The following NRG3 variants were observed in gnomAD, a reference collection of about 807,000 sequenced individuals.
NRG3 encodes the protein neuregulin 3.
Under a neutral mutation model 66.9 loss-of-function variants are expected in NRG3, and 31 were observed. The observed-to-expected ratio is 0.46, with a 90% confidence interval of 0.35 to 0.63. The LOEUF (loss-of-function observed/expected upper bound fraction) is 0.63. Among genes scored for constraint, NRG3 ranks in the 20% least tolerant of loss-of-function variants. The probability of loss-of-function intolerance (pLI) is 0.00; values close to 1 mark genes in which losing one functional copy is unlikely to be tolerated. For missense variants in NRG3, 910 were observed against 878.9 expected, an observed-to-expected ratio of 1.04 and a Z score of -0.45; for synonymous variants, 393 against 359.4, an observed-to-expected ratio of 1.09 and a Z score of -1.06.
Position 82,030,350 on chromosome 10 carries a change from T to C in NRG3, c.823+154187T>C, listed in dbSNP as rs563009014. 1.2e-4 allele frequency among the ~76,000 whole-genome samples: 18 copies of C among 152,208 alleles called. 1 individual carries two copies. The South Asian group carries it at 3.7e-3, about 32-fold the overall frequency. On this transcript the variant is annotated intron_variant, in intron 1 of 8. Coordinates refer to ENST00000372141, the MANE Select transcript of NRG3 (RefSeq NM_001010848.4). ...AATAACCATGATCCAATTCAATGAA[T>C]GGTGGAAGTAAGGAGAGAATTCAGG...
At chr10:82,450,642 C>T (rs2090976486) in intron 2 of NRG3, among the ~76,000 whole-genome samples, 1 of 152,168 alleles carries the variant, frequency 6.6e-6, no homozygotes, top group Non-Finnish European at 1.5e-5. Context: ...TCTAGTCAAA[C>T]TCTTCTCATC....
chr10:82,807,431 G>C (rs79941579), intron 3 of NRG3, among the ~76,000 whole-genome samples: 7,266 of 152,252 alleles, frequency 0.048, 241 homozygotes, highest in Non-Finnish European at 0.071. Context: ...GCAACGGGGT[G>C]TGTGGAGTGT....
intron 3 of NRG3, among the ~76,000 whole-genome samples, chr10:82,770,853 T>C (rs2059688490): frequency 6.6e-6 from 1 of 152,030 alleles, no homozygotes; most frequent in Non-Finnish European, 1.5e-5. Flanking sequence ...TCAGGAGCTC[T>C]AGGGAAAAAT....
At chr10:82,347,468 A>G (rs1284936645) in intron 1 of NRG3, among the ~76,000 whole-genome samples, 2 of 151,752 alleles carry the variant, frequency 1.3e-5, no homozygotes, top group African/African-American at 2.4e-5. Flanking sequence ...ACATTTGCTG[A>G]GGAGAGCTTT....
At chr10:82,466,303 T>C (rs1330498552) in intron 2 of NRG3, among the ~76,000 whole-genome samples, 1 of 152,116 alleles carries the variant, frequency 6.6e-6, no homozygotes, top group Non-Finnish European at 1.5e-5. Context: ...CCAGGCTTTC[T>C]TCCCCAAAAA....
At chr10:82,354,722 C>T (rs997932457) in intron 1 of NRG3, among the ~76,000 whole-genome samples, 7 of 152,156 alleles carry the variant, frequency 4.6e-5, no homozygotes, top group South Asian at 2.1e-4. Context: ...ATTCCTATTC[C>T]GTGCCTCTGT....
rs114420612 is a variant in NRG3, at chr10:81,904,550, C to T, written c.823+28387C>T. On this transcript the variant is annotated intron_variant, in intron 1 of 8. Transcript: ENST00000372141. ...GAATTACTGTCTCATTAGTCAAATT[C>T]CACCTTCTACGCCTGTTCTTAATTC... 1.7e-3 allele frequency among the ~76,000 whole-genome samples: 264 copies of T among 152,208 alleles called. 1 individual carries two copies. The highest frequency in any genetic ancestry group is 5.7e-3 in the African/African-American group (237 of 41,538).
At chr10:82,400,125 A>G (rs901051936) in intron 2 of NRG3, among the ~76,000 whole-genome samples, 3 of 152,206 alleles carry the variant, frequency 2.0e-5, no homozygotes, top group African/African-American at 7.2e-5. Flanking sequence ...GATAACATAT[A>G]TAATTATCCC....
intron 2 of NRG3, among the ~76,000 whole-genome samples, chr10:82,736,859 T>C (rs2058178852): frequency 6.6e-6 from 1 of 152,180 alleles, no homozygotes; most frequent in African/African-American, 2.4e-5. Context: ...ACTTAAAATC[T>C]CTCACAAAGA....
intron 2 of NRG3, among the ~76,000 whole-genome samples, chr10:82,417,780 C>T (rs929542475): frequency 6.6e-6 from 1 of 152,144 alleles, no homozygotes; most frequent in Non-Finnish European, 1.5e-5. Flanking sequence ...CCAGCCTCAG[C>T]GAGCAAGGGA....
At chr10:82,536,359 C>T (rs1847813792) in intron 2 of NRG3, among the ~76,000 whole-genome samples, 1 of 152,210 alleles carries the variant, frequency 6.6e-6, no homozygotes, top group African/African-American at 2.4e-5. Context: ...ACATGAATGG[C>T]TCAAACTAGT....
chr10:82,815,610 T>A (rs899506323), intron 3 of NRG3, among the ~76,000 whole-genome samples: 1 of 152,068 alleles, frequency 6.6e-6, no homozygotes. Flanking sequence ...ATCTCAATAT[T>A]CTCATTGTAA....
intron 1 of NRG3, among the ~76,000 whole-genome samples, chr10:82,221,207 A>G (rs1203496424): frequency 6.6e-6 from 1 of 151,518 alleles, no homozygotes; most frequent in Middle Eastern, 3.4e-3. Context: ...TTTTCTAGAC[A>G]TATATTTTAA....
At chr10:82,445,741 C>A (rs1358744455) in intron 2 of NRG3, among the ~76,000 whole-genome samples, 1 of 152,164 alleles carries the variant, frequency 6.6e-6, no homozygotes, top group Non-Finnish European at 1.5e-5. Context: ...CCAGTAAAAT[C>A]ACTCCCAAAC....
rs548028707 is a variant in NRG3 at position 82,570,740 on chromosome 10, A to G, written c.954-167837A>G. Among the ~76,000 whole-genome samples the G allele has an allele frequency of 7.2e-5, 11 of 151,760 alleles. No homozygotes were observed. In the South Asian group the frequency reaches 2.3e-3, roughly 31 times the overall value. ...AAATCTTCTCCCGGAACGTGGTTTGATATATAGGGCTTGACAGAAGAAGCT... is the reference window on the plus strand; with the variant it reads ...AAATCTTCTCCCGGAACGTGGTTTGGTATATAGGGCTTGACAGAAGAAGCT... On this transcript the variant is annotated intron_variant, in intron 2 of 8. Coordinates refer to ENST00000372141, the MANE Select transcript of NRG3 (RefSeq NM_001010848.4).
chr10:82,745,324 A>G (rs1049476465), intron 3 of NRG3, among the ~76,000 whole-genome samples: 5 of 152,188 alleles, frequency 3.3e-5, no homozygotes, highest in Non-Finnish European at 7.3e-5. Context: ...GGACATTTCC[A>G]TGAATAAATT....
intron 1 of NRG3, among the ~76,000 whole-genome samples, chr10:81,908,301 G>A (rs1844791475): frequency 6.6e-6 from 1 of 152,036 alleles, no homozygotes; most frequent in Admixed American, 6.6e-5. Context: ...TTTTATCCCT[G>A]GGCCTAGTCC....
intron 2 of NRG3, among the ~76,000 whole-genome samples, chr10:82,556,824 G>A (rs1406613976): frequency 6.6e-6 from 1 of 151,998 alleles, no homozygotes; most frequent in African/African-American, 2.4e-5. Context: ...CCCAGTGTCT[G>A]TTTTTTCCTT....
At chr10:82,416,050 A>G (rs1452224338) in intron 2 of NRG3, among the ~76,000 whole-genome samples, 1 of 152,226 alleles carries the variant, frequency 6.6e-6, no homozygotes, top group Non-Finnish European at 1.5e-5. Flanking sequence ...AGCTAGAGAT[A>G]GTCAATATTT....
Sources: gnomAD v4.1 joint callset for allele counts (sites outside exome capture counted in the v4.1 genomes callset) on GRCh38, gnomAD v4.1.1 for gene constraint, MANE v1.5 for transcripts, NCBI Gene and HGNC (gene_info 2026-07-23, HGNC 2026-07-21) for gene names.